Variants in SMYD3 observed in about 807,000 individuals in gnomAD.
The protein encoded by SMYD3 is SET and MYND domain containing 3.
SMYD3 carries 36 observed loss-of-function variants against 57.7 expected under a neutral mutation model. The observed-to-expected ratio is 0.62, with a 90% CI of 0.48 to 0.82. The LOEUF is 0.82. Among genes scored for constraint, SMYD3 ranks in the 40% least tolerant of loss-of-function variants. SMYD3 has a pLI of 0.00. For missense variants in SMYD3, 515 were observed against 538.8 expected, an observed-to-expected ratio of 0.96 and a Z score of 0.44; for synonymous variants, 211 against 195.0, an observed-to-expected ratio of 1.08 and a Z score of -0.68.
intron 5 of SMYD3, chr1:246,326,321 A>G: frequency 1.5e-6 from 1 of 677,616 alleles, no homozygotes; most frequent in South Asian, 1.7e-5. Context: ...CAGCAGATCC[A>G]TAGCAGTGAG....
intron 1 of SMYD3, among the ~76,000 whole-genome samples, chr1:246,369,859 C>G (rs1377505584): frequency 6.6e-6 from 1 of 151,650 alleles, no homozygotes; most frequent in East Asian, 1.9e-4. Context: ...TTTCTACATT[C>G]CATTTCATCT....
intron 5 of SMYD3, among the ~76,000 whole-genome samples, chr1:246,014,364 C>G (rs1572892608): frequency 6.6e-6 from 1 of 152,098 alleles, no homozygotes; most frequent in Admixed American, 6.5e-5. Flanking sequence ...CTAAGCAACA[C>G]ATTGTCAAGT....
At chr1:246,157,758 G>A (rs984148701) in intron 5 of SMYD3, among the ~76,000 whole-genome samples, 29 of 152,184 alleles carry the variant, frequency 1.9e-4, no homozygotes, top group African/African-American at 6.5e-4. Context: ...GTGGAACTGC[G>A]TTGAGAATCT....
At chr1:245,772,948 C>A (rs556217129) in intron 10 of SMYD3, among the ~76,000 whole-genome samples, 13 of 152,050 alleles carry the variant, frequency 8.5e-5, no homozygotes, top group African/African-American at 3.1e-4. Context: ...GATTGGAGAG[C>A]ATCTGGAAAT....
intron 5 of SMYD3, among the ~76,000 whole-genome samples, chr1:246,307,457 T>C (rs1282506673): frequency 7.0e-6 from 1 of 142,774 alleles, no homozygotes; most frequent in Non-Finnish European, 1.5e-5. Context: ...TCTCGCTCTG[T>C]CGCCCAGGCT....
chr1:245,763,122 C>T (rs776221228), intron 11 of SMYD3, among the ~76,000 whole-genome samples: 6 of 152,230 alleles, frequency 3.9e-5, no homozygotes, highest in Non-Finnish European at 8.8e-5. Flanking sequence ...CGTGTTTTAA[C>T]AAGCTATTCC....
chr1:246,409,913 T>C (rs1247041976), intron 1 of SMYD3, among the ~76,000 whole-genome samples: 1 of 152,202 alleles, frequency 6.6e-6, no homozygotes, highest in Non-Finnish European at 1.5e-5. Context: ...GTTGGATTCC[T>C]AGGTATTTTA....
At chr1:246,489,215 G>A (rs1325974220) in intron 1 of SMYD3, among the ~76,000 whole-genome samples, 2 of 152,026 alleles carry the variant, frequency 1.3e-5, no homozygotes, top group Non-Finnish European at 2.9e-5. Flanking sequence ...GCGTGGTGGC[G>A]GGCGCCTGTA....
Position 245,976,928 on chromosome 1 carries a change from T to C in SMYD3, c.532-46991A>G, listed in dbSNP as rs367561651. Among the ~76,000 whole-genome samples, 207 of 30,668 alleles carry C rather than the reference T, an allele frequency of 6.7e-3. 2 individuals carry two copies. Among genetic ancestry groups the C allele is most frequent in the East Asian group, 0.014 (8 of 590 alleles). The allele number at this position is 30,668 out of a possible 152,430, so 20.1% of individuals were successfully genotyped here. ...CTAGCCTAGGGAAAGCCATCGTCTC[T>C]AGCCTAGGGAAAGCCATCGTCTCTA... On this transcript the variant is annotated intron_variant, in intron 5 of 11. Transcript: ENST00000490107.
At chr1:246,019,604 C>T (rs1013119465) in intron 5 of SMYD3, among the ~76,000 whole-genome samples, 1 of 152,162 alleles carries the variant, frequency 6.6e-6, no homozygotes, top group Non-Finnish European at 1.5e-5. Flanking sequence ...AAGGGACTCA[C>T]CTAATTCATA....
At chr1:246,446,398 T>C (rs1350287711) in intron 1 of SMYD3, among the ~76,000 whole-genome samples, 1 of 152,174 alleles carries the variant, frequency 6.6e-6, no homozygotes, top group East Asian at 1.9e-4. Flanking sequence ...ATTTACTATA[T>C]ATAAAAACAT....
chr1:246,107,114 C>T (rs535664104), intron 5 of SMYD3, among the ~76,000 whole-genome samples: 6 of 115,302 alleles, frequency 5.2e-5, no homozygotes, highest in East Asian at 8.3e-4. Context: ...GGTGAAACCC[C>T]GTCTCTACTA....
At chr1:245,959,823 G>A (rs1234768519) in intron 5 of SMYD3, among the ~76,000 whole-genome samples, 1 of 152,084 alleles carries the variant, frequency 6.6e-6, no homozygotes, top group African/African-American at 2.4e-5. Context: ...CTGTTGCCCA[G>A]GCTGTAGTAT....
At chr1:246,119,266 G>C in intron 5 of SMYD3, among the ~76,000 whole-genome samples, 1 of 151,958 alleles carries the variant, frequency 6.6e-6, no homozygotes, top group East Asian at 1.9e-4. Context: ...CTAAAGTGCT[G>C]GGATTACAGG....
intron 9 of SMYD3, among the ~76,000 whole-genome samples, chr1:245,861,315 C>T (rs184853643): frequency 5.3e-5 from 8 of 152,248 alleles, no homozygotes; most frequent in Admixed American, 2.0e-4. Flanking sequence ...AGAGTGCACC[C>T]AAAGAGAACA....
intron 9 of SMYD3, among the ~76,000 whole-genome samples, chr1:245,862,630 G>C (rs2051613892): frequency 1.0e-5 from 1 of 97,628 alleles, no homozygotes; most frequent in African/African-American, 2.7e-5. Context: ...GCATTAAAGA[G>C]GCCCGAGATG....
chr1:246,313,575 C>A (rs905769276), intron 5 of SMYD3, among the ~76,000 whole-genome samples: 2 of 152,150 alleles, frequency 1.3e-5, no homozygotes, highest in South Asian at 4.1e-4. Flanking sequence ...AGCATCAAAA[C>A]GAAAACCAAA....
At chr1:245,792,016 C>T (rs1053555164) in intron 10 of SMYD3, among the ~76,000 whole-genome samples, 5 of 150,180 alleles carry the variant, frequency 3.3e-5, no homozygotes, top group East Asian at 2.0e-4. Flanking sequence ...AAAGGCTGTT[C>T]GATGAAATTT....
chr1:245,815,264 G>A (rs896378521), intron 10 of SMYD3, among the ~76,000 whole-genome samples: 4 of 152,238 alleles, frequency 2.6e-5, no homozygotes, highest in African/African-American at 7.2e-5. Flanking sequence ...CAAATGGAAC[G>A]TGATAGTGGC....
Sources: allele counts gnomAD v4.1 joint callset (sites outside exome capture counted in the v4.1 genomes callset), GRCh38; gene constraint gnomAD v4.1.1; transcripts MANE v1.5; gene names NCBI Gene and HGNC (gene_info 2026-07-23, HGNC 2026-07-21).